RSF1: variants seen among roughly 807,000 people sequenced by gnomAD.
RSF1 encodes HBV pX-associated protein 8.
A neutral mutation model predicts 145.2 loss-of-function variants in RSF1; 13 were observed. The observed-to-expected ratio is 0.09, with a 90% confidence interval of 0.06 to 0.14. The LOEUF is 0.14. RSF1 is among the 10% of genes least tolerant of loss of function. The probability of loss-of-function intolerance (pLI) is 1.00; values close to 1 mark genes in which losing one functional copy is unlikely to be tolerated. For synonymous variants in RSF1, 577 were observed against 592.6 expected, an observed-to-expected ratio of 0.97 and a Z score of 0.38; for missense variants, 1,517 against 1,718.2, an observed-to-expected ratio of 0.88 and a Z score of 2.07.
At chr11:77,872,167 C>T in the RSF1 span, 1 of 1,609,834 alleles carries the variant, frequency 6.2e-7, no homozygotes. Flanking sequence ...TCTTTTCCAC[C>T]TTCCCAGGTG....
chr11:77,848,267 C>T, the RSF1 span, among the ~76,000 whole-genome samples: 1 of 152,214 alleles, frequency 6.6e-6, no homozygotes, highest in Non-Finnish European at 1.5e-5. Flanking sequence ...GGCTTCCACA[C>T]TTGAGAGATC....
chr11:77,835,472 C>CAT, the RSF1 span, among the ~76,000 whole-genome samples: 61,029 of 151,888 alleles, frequency 0.4, 12,871 homozygotes, highest in African/African-American at 0.52. Flanking sequence ...ATGTTTAACT[C>CAT]ATAGTGATTA....
chr11:77,702,689 A>G, intron 5 of RSF1, 194 bp from the exon 6 acceptor site: 1 of 390,266 alleles, frequency 2.6e-6, no homozygotes, highest in Admixed American at 4.5e-5. Flanking sequence ...CAACTTCTAG[A>G]TATTAAAAAA....
At chr11:77,672,292 G>C (rs1266433804) in intron 14 of RSF1, 62 bp from the exon 15 acceptor site, 1 of 1,358,270 alleles carries the variant, frequency 7.4e-7, no homozygotes, top group Non-Finnish European at 1.0e-6. Flanking sequence ...TGTAGCTTAG[G>C]TTATAAAAAT....
At chr11:77,681,913 G>A (rs544071750) in intron 11 of RSF1, among the ~76,000 whole-genome samples, 67 of 152,140 alleles carry the variant, frequency 4.4e-4, no homozygotes, top group African/African-American at 1.6e-3. Flanking sequence ...GTCAAATGGC[G>A]CTCCCATTTT....
At chr11:77,723,420 A>G (rs59404463) in intron 5 of RSF1, among the ~76,000 whole-genome samples, 1 of 152,108 alleles carries the variant, frequency 6.6e-6, no homozygotes, top group African/African-American at 2.4e-5. Flanking sequence ...CAATGACTGC[A>G]CCACTGTACT....
At chr11:77,704,749 C>T (rs981358536) in intron 5 of RSF1, among the ~76,000 whole-genome samples, 1 of 131,584 alleles carries the variant, frequency 7.6e-6, no homozygotes. Flanking sequence ...GTGTGTTTGC[C>T]TTGGTTTTTT....
Position 77,685,085 on chromosome 11 carries a change from A to C in RSF1, c.2955+20T>G, listed in dbSNP as rs147113190. On this transcript the variant is annotated intron_variant, in intron 10 of 15. Transcript: ENST00000308488. ...TTATGACAATCTCCCATTTAAAAAC[A>C]TTACAAATCAGAAACTTACTTGTGG... 21 of 1,444,024 alleles carry C rather than the reference A, an allele frequency of 1.5e-5. No individual in the cohort carries two copies. In the East Asian group the frequency reaches 4.9e-4, roughly 34 times the overall value. 89.5% of individuals were successfully genotyped at this position (1,444,024 alleles called of 1,614,324 possible).
intron 2 of RSF1, among the ~76,000 whole-genome samples, chr11:77,759,961 A>C (rs1948155469): frequency 1.3e-5 from 2 of 152,140 alleles, no homozygotes; most frequent in African/African-American, 2.4e-5. Context: ...AACCTCATAA[A>C]TTGCTATGAA....
At position 77,662,790 on chromosome 11, in the gene RSF1, G is replaced by T. The variant is rs993785129; in HGVS notation, c.*4127C>A. ...AATGGATCATATTAAGCAGAAGAGGGCTAGGTAGATTACAGCAGATATGCA... is the reference window on the plus strand; with the variant it reads ...AATGGATCATATTAAGCAGAAGAGGTCTAGGTAGATTACAGCAGATATGCA... On this transcript the variant is annotated 3_prime_UTR_variant, in exon 16 of 16. Coordinates refer to ENST00000308488, the MANE Select transcript of RSF1 (RefSeq NM_016578.4). The T allele has an allele frequency of 6.6e-6, 1 of 152,102 alleles. No individual in the cohort carries two copies. Among genetic ancestry groups the T allele is most frequent in the Non-Finnish European group, 1.5e-5 (1 of 68,000 alleles). The allele number at this position is 152,102 out of a possible 1,614,324, so 9.4% of individuals were successfully genotyped here. A position where few individuals can be genotyped will look rare whatever the true frequency, so the allele number is the denominator to read the frequency against.
chr11:77,724,843 C>T (rs1159113064), intron 5 of RSF1, among the ~76,000 whole-genome samples: 1 of 152,192 alleles, frequency 6.6e-6, no homozygotes, highest in East Asian at 1.9e-4. Flanking sequence ...AGTGGTAATG[C>T]TCACTCGTCC....
chr11:77,786,243 T>G (rs1182196243), intron 1 of RSF1, among the ~76,000 whole-genome samples: 5 of 152,172 alleles, frequency 3.3e-5, no homozygotes, highest in African/African-American at 1.2e-4. Flanking sequence ...ACAAATACTA[T>G]GTATATTAAG....
rs536320153 is a variant in RSF1 at position 77,697,425 on chromosome 11, T to C, written c.2715+1062A>G. On this transcript the variant is annotated intron_variant, in intron 7 of 15. Transcript: ENST00000308488. ...GCTACTTCCTCAACAGACTCACTTA[T>C]GAACTGCAAATTATATATATATATA... Among the ~76,000 whole-genome samples, 650 of 145,702 alleles carry C rather than the reference T, an allele frequency of 4.5e-3. 5 individuals carry two copies. The highest frequency in any genetic ancestry group is 5.4e-3 in the Non-Finnish European group (359 of 66,998).
intron 2 of RSF1, among the ~76,000 whole-genome samples, chr11:77,751,604 G>C (rs907614361): frequency 6.6e-6 from 1 of 152,198 alleles, no homozygotes; most frequent in South Asian, 2.1e-4. Flanking sequence ...CTCTGTGAGA[G>C]GGCAGATGCC....
intron 1 of RSF1, among the ~76,000 whole-genome samples, chr11:77,774,708 C>T (rs1331126745): frequency 6.6e-6 from 1 of 151,366 alleles, no homozygotes; most frequent in African/African-American, 2.4e-5. Flanking sequence ...AGGCAGATCA[C>T]CTGAGGTCAG....
At chr11:77,679,672 C>CAA (rs529571713) in intron 11 of RSF1, among the ~76,000 whole-genome samples, 35 of 84,552 alleles carry the variant, frequency 4.1e-4, no homozygotes, top group African/African-American at 1.2e-3. Flanking sequence ...GACCCTGTCT[C>CAA]AAAAAAAAAA....
the RSF1 span, among the ~76,000 whole-genome samples, chr11:77,854,182 C>T: frequency 1.9e-4 from 29 of 151,792 alleles, no homozygotes; most frequent in African/African-American, 4.4e-4. Context: ...GTAGTAGAGA[C>T]GGGGTTTCAT....
chr11:77,753,891 C>T (rs7925343), intron 2 of RSF1, among the ~76,000 whole-genome samples: 38,023 of 152,112 alleles, frequency 0.25, 5,560 homozygotes, highest in South Asian at 0.49. Context: ...CACCCAGCAA[C>T]GACCAAGTAT....
At chr11:77,705,864 A>C (rs1960535814) in intron 5 of RSF1, among the ~76,000 whole-genome samples, 1 of 151,914 alleles carries the variant, frequency 6.6e-6, no homozygotes, top group African/African-American at 2.4e-5. Context: ...AAAAAAAACC[A>C]AAAAAACAAA....
Sources: gnomAD v4.1 joint callset for allele counts (sites outside exome capture counted in the v4.1 genomes callset) on GRCh38, gnomAD v4.1.1 for gene constraint, MANE v1.5 for transcripts, NCBI Gene and HGNC (gene_info 2026-07-23, HGNC 2026-07-21) for gene names.